Variants in ROBO1 observed in about 807,000 individuals in gnomAD.
ROBO1 encodes the protein roundabout homolog 1.
ROBO1 carries 149 observed loss-of-function variants against 195.9 expected under a neutral mutation model. That is an observed-to-expected ratio of 0.76 (90% CI 0.67 to 0.87). ROBO1 has a LOEUF of 0.87. Among genes scored for constraint, ROBO1 ranks in the 40% least tolerant of loss-of-function variants. The pLI, the probability that ROBO1 is intolerant of heterozygous loss-of-function variation, is 0.00. For missense variants in ROBO1, 1,933 were observed against 2,068.3 expected (o/e 0.93, Z 1.27); for synonymous variants, 816 against 733.2 (o/e 1.11, Z -1.82).
rs904563921 is a variant in ROBO1, at chr3:78,845,225, T to A, written c.499+93376A>T. Among the ~76,000 whole-genome samples, 53 of 149,520 alleles carry A rather than the reference T, an allele frequency of 3.5e-4. 3 individuals are homozygous for A. The highest frequency in any genetic ancestry group is 3.1e-3 in the Admixed American group (47 of 15,102). ...AGATTTAATATGAAAAAAGTGTAGA[T>A]CTCTCATGAATTCAGATGTGTGTAA... On this transcript the variant is annotated intron_variant, in intron 4 of 30. Transcript: ENST00000464233.
Position 79,087,528 on chromosome 3 carries a change from CTTCCTTCCTTCT to C in ROBO1, c.172+37916_172+37927del, listed in dbSNP as rs889962667. ...TTCTCTTCCTTCCTTCCTTCCTTTC[CTTCCTTCCTTCT>C]TTCCTTCCTTCTTCCTTCCTTCATT... On this transcript the variant is annotated intron_variant, in intron 3 of 30. Coordinates refer to ENST00000464233, the MANE Select transcript of ROBO1 (RefSeq NM_002941.4). 5.6e-4 allele frequency among the ~76,000 whole-genome samples: 85 copies of C among 150,904 alleles called. 1 individual carries two copies. The highest frequency in any genetic ancestry group is 3.9e-4 in the East Asian group (2 of 5,138).
chr3:78,966,728 G>T (rs536697011), intron 3 of ROBO1, among the ~76,000 whole-genome samples: 3 of 152,250 alleles, frequency 2.0e-5, no homozygotes, highest in Non-Finnish European at 4.4e-5. Flanking sequence ...CATCTCCTTA[G>T]AAATGACTGG....
At chr3:79,403,477 T>C (rs2037437662) in intron 2 of ROBO1, among the ~76,000 whole-genome samples, 1 of 152,008 alleles carries the variant, frequency 6.6e-6, no homozygotes, top group Non-Finnish European at 1.5e-5. Flanking sequence ...TTCTAACACA[T>C]AAATTTTTAA....
intron 2 of ROBO1, among the ~76,000 whole-genome samples, chr3:79,392,988 C>G (rs1381770521): frequency 6.6e-6 from 1 of 152,156 alleles, no homozygotes; most frequent in African/African-American, 2.4e-5. Flanking sequence ...CCCTTTGAAA[C>G]ATAATCCACT....
chr3:78,609,388 G>T (rs567904458), intron 28 of ROBO1, among the ~76,000 whole-genome samples: 1 of 152,194 alleles, frequency 6.6e-6, no homozygotes, highest in African/African-American at 2.4e-5. Context: ...ACTGCAGGGA[G>T]CACCGTTCAC....
chr3:79,245,078 C>A (rs957232274), intron 2 of ROBO1, among the ~76,000 whole-genome samples: 1 of 151,966 alleles, frequency 6.6e-6, no homozygotes, highest in East Asian at 1.9e-4. Flanking sequence ...CAAGACAATT[C>A]ATCTAGTCAT....
chr3:79,031,658 G>A (rs1471053392), intron 3 of ROBO1, among the ~76,000 whole-genome samples: 1 of 152,088 alleles, frequency 6.6e-6, no homozygotes, highest in African/African-American at 2.4e-5. Flanking sequence ...GGTTTTGCAA[G>A]GATTGAAACA....
At chr3:79,643,198 C>T (rs544347901) in intron 1 of ROBO1, among the ~76,000 whole-genome samples, 8 of 152,260 alleles carry the variant, frequency 5.3e-5, no homozygotes, top group Non-Finnish European at 8.8e-5. Context: ...TTGGACTCTA[C>T]GTTCTTCAGA....
intron 19 of ROBO1, among the ~76,000 whole-genome samples, chr3:78,649,069 G>T (rs562273968): frequency 2.7e-4 from 41 of 149,492 alleles, no homozygotes; most frequent in South Asian, 1.5e-3. Context: ...TCTTTTCAGA[G>T]AGTCAATGTA....
intron 3 of ROBO1, among the ~76,000 whole-genome samples, chr3:79,096,373 G>A (rs954636989): frequency 2.0e-5 from 3 of 151,854 alleles, no homozygotes; most frequent in Non-Finnish European, 4.4e-5. Flanking sequence ...TAAATAAATA[G>A]AGATGACAAG....
At chr3:79,601,429 T>C (rs1002296849) in intron 1 of ROBO1, among the ~76,000 whole-genome samples, 1 of 151,990 alleles carries the variant, frequency 6.6e-6, no homozygotes, top group African/African-American at 2.4e-5. Flanking sequence ...AAAAGCTCTA[T>C]AAGCACGGAC....
intron 4 of ROBO1, among the ~76,000 whole-genome samples, chr3:78,864,999 A>G (rs1300719142): frequency 6.6e-6 from 1 of 152,172 alleles, no homozygotes. Context: ...CAATATCTTT[A>G]CTAAAACAGA....
intron 1 of ROBO1, among the ~76,000 whole-genome samples, chr3:79,754,119 T>C (rs777153283): frequency 2.1e-4 from 32 of 151,988 alleles, no homozygotes; most frequent in Non-Finnish European, 1.6e-4. Context: ...ATTATAAAAA[T>C]AGGTAAAGAA....
Position 78,618,052 on chromosome 3 carries a change from A to T in ROBO1, c.3876-11T>A. The T allele has an allele frequency of 6.3e-7, 1 of 1,595,782 alleles. No individual in the cohort carries two copies. Among genetic ancestry groups the T allele is most frequent in the Non-Finnish European group, 8.5e-7 (1 of 1,170,636 alleles). On this transcript the variant is annotated splice_polypyrimidine_tract_variant and intron_variant, in intron 26 of 30. Transcript: ENST00000464233. ...CTCACAGGCTGCCGTCTGTATGAAGATGAATAAATAGGTCTGGCTCAGCTT... is the reference window on the plus strand; with the variant it reads ...CTCACAGGCTGCCGTCTGTATGAAGTTGAATAAATAGGTCTGGCTCAGCTT...
At chr3:78,775,254 T>C (rs1027913362) in intron 4 of ROBO1, among the ~76,000 whole-genome samples, 1 of 152,212 alleles carries the variant, frequency 6.6e-6, no homozygotes, top group Non-Finnish European at 1.5e-5. Context: ...ACCAGTTATA[T>C]CCCACTAGCT....
At chr3:79,016,788 G>A (rs1019124371) in intron 3 of ROBO1, among the ~76,000 whole-genome samples, 1 of 152,112 alleles carries the variant, frequency 6.6e-6, no homozygotes, top group South Asian at 2.1e-4. Context: ...CTTTACACAC[G>A]TAAATAAACT....
At chr3:79,256,895 T>G (rs1240553488) in intron 2 of ROBO1, among the ~76,000 whole-genome samples, 2 of 152,170 alleles carry the variant, frequency 1.3e-5, no homozygotes, top group Non-Finnish European at 2.9e-5. Flanking sequence ...TCTTACTGAT[T>G]GAATGTGTCT....
chr3:79,024,573 C>T (rs906069924), intron 3 of ROBO1, among the ~76,000 whole-genome samples: 5 of 152,108 alleles, frequency 3.3e-5, no homozygotes, highest in African/African-American at 1.2e-4. Context: ...AAGATGAGTT[C>T]CATGGTAGGA....
chr3:78,720,957 G>C (rs375718344), intron 5 of ROBO1, among the ~76,000 whole-genome samples: 4 of 151,018 alleles, frequency 2.6e-5, no homozygotes, highest in Non-Finnish European at 4.4e-5. Context: ...GGTTGGGGGG[G>C]GGGCGGTGGA....
Sources: gnomAD v4.1 joint callset for allele counts (sites outside exome capture counted in the v4.1 genomes callset) on GRCh38, gnomAD v4.1.1 for gene constraint, MANE v1.5 for transcripts, NCBI Gene and HGNC (gene_info 2026-07-23, HGNC 2026-07-21) for gene names.